The following HPSE2 variants were observed in gnomAD, a reference collection of about 807,000 sequenced individuals.
HPSE2 encodes inactive heparanase-2.
A neutral mutation model predicts 60.5 loss-of-function variants in HPSE2; 38 were observed. That is an observed-to-expected ratio of 0.63 (90% CI 0.48 to 0.82). HPSE2 has a LOEUF of 0.82. Among genes scored for constraint, HPSE2 ranks in the 40% least tolerant of loss-of-function variants. The pLI is 0.00. For synonymous variants in HPSE2, 295 were observed against 293.2 expected, an observed-to-expected ratio of 1.01 and a Z score of -0.06; for missense variants, 713 against 740.4, an observed-to-expected ratio of 0.96 and a Z score of 0.43.
chr10:99,296,014 C>T, the HPSE2 span, among the ~76,000 whole-genome samples: 32 of 152,306 alleles, frequency 2.1e-4, no homozygotes, highest in Non-Finnish European at 2.9e-5. Context: ...GGAGCAATTA[C>T]ACCCCAAATG....
chr10:99,007,528 T>C (rs934370535), intron 3 of HPSE2, among the ~76,000 whole-genome samples: 1 of 152,236 alleles, frequency 6.6e-6, no homozygotes, highest in Non-Finnish European at 1.5e-5. Context: ...GGAATTTTCA[T>C]GCATGAATAG....
chr10:98,853,838 T>C (rs1043619094), intron 3 of HPSE2, among the ~76,000 whole-genome samples: 1 of 152,164 alleles, frequency 6.6e-6, no homozygotes, highest in African/African-American at 2.4e-5. Flanking sequence ...ATCTGTTAAA[T>C]GGAACTAAGG....
chr10:99,067,034 C>T (rs1233168514), intron 3 of HPSE2, among the ~76,000 whole-genome samples: 1 of 152,200 alleles, frequency 6.6e-6, no homozygotes, highest in East Asian at 1.9e-4. Context: ...AACGAAGGAG[C>T]TATAGACCCT....
chr10:98,511,102 T>A (rs1374241464), intron 9 of HPSE2, among the ~76,000 whole-genome samples: 2 of 151,934 alleles, frequency 1.3e-5, no homozygotes, highest in East Asian at 1.9e-4. Context: ...TACATAAAAG[T>A]ATTTAATGAA....
intron 7 of HPSE2, among the ~76,000 whole-genome samples, chr10:98,628,137 A>G (rs1946266219): frequency 1.3e-5 from 2 of 152,172 alleles, no homozygotes; most frequent in Non-Finnish European, 2.9e-5. Context: ...GTACAAACCA[A>G]CAAATATTTT....
chr10:99,273,857 A>T, the HPSE2 span, among the ~76,000 whole-genome samples: 26 of 152,288 alleles, frequency 1.7e-4, no homozygotes, highest in Admixed American at 1.6e-3. Flanking sequence ...ACCATGACAG[A>T]GACAAAAAGA....
chr10:98,475,753 T>C (rs1227805580), intron 11 of HPSE2, among the ~76,000 whole-genome samples: 1 of 152,176 alleles, frequency 6.6e-6, no homozygotes, highest in African/African-American at 2.4e-5. Flanking sequence ...CAGAAGGGAA[T>C]TCCCCACTTC....
intron 3 of HPSE2, among the ~76,000 whole-genome samples, chr10:98,905,983 A>T (rs1953805196): frequency 6.6e-6 from 1 of 152,150 alleles, no homozygotes; most frequent in Non-Finnish European, 1.5e-5. Flanking sequence ...TTGCCAGCTG[A>T]CAACCCTCTC....
intron 3 of HPSE2, among the ~76,000 whole-genome samples, chr10:98,763,375 A>T (rs916109413): frequency 6.6e-6 from 1 of 152,064 alleles, no homozygotes; most frequent in African/African-American, 2.4e-5. Context: ...TAAACTAAAA[A>T]CCAAAACAAA....
At position 98,841,338 on chromosome 10, in the gene HPSE2, C is replaced by G. The variant is rs544636822; in HGVS notation, c.611-97282G>C. ...TTCCACATTCCTTCACTCCACCTCTCTGATAGTTGTTATTCAGAGGCCACT... is the reference window on the plus strand; with the variant it reads ...TTCCACATTCCTTCACTCCACCTCTGTGATAGTTGTTATTCAGAGGCCACT... On this transcript the variant is annotated intron_variant, in intron 3 of 11. Coordinates refer to ENST00000370552, the MANE Select transcript of HPSE2 (RefSeq NM_021828.5). 3.9e-5 allele frequency among the ~76,000 whole-genome samples: 6 copies of G among 152,296 alleles called. No homozygotes were observed. The South Asian group carries it at 1.0e-3, about 26-fold the overall frequency.
chr10:99,117,417 G>GAAAAAAAAAAAAAA (rs1157232317), intron 3 of HPSE2, among the ~76,000 whole-genome samples: 1 of 24,802 alleles, frequency 4.0e-5, no homozygotes, highest in East Asian at 1.7e-3. Context: ...TTGTTTTTTT[G>GAAAAAAAAAAAAAA]AAAAAAAAAA....
At chr10:98,634,551 A>T (rs1946447438) in intron 7 of HPSE2, among the ~76,000 whole-genome samples, 1 of 152,000 alleles carries the variant, frequency 6.6e-6, no homozygotes, top group Admixed American at 6.6e-5. Flanking sequence ...TTTTCTTCTT[A>T]TTTACTAAGA....
intron 9 of HPSE2, among the ~76,000 whole-genome samples, chr10:98,594,568 C>T (rs72831920): frequency 2.6e-5 from 4 of 152,108 alleles, no homozygotes; most frequent in East Asian, 3.9e-4. Context: ...CTTTGTGTGC[C>T]TAGCTTATTT....
chr10:98,510,424 A>G (rs1942350878), intron 9 of HPSE2, among the ~76,000 whole-genome samples: 1 of 152,160 alleles, frequency 6.6e-6, no homozygotes, highest in Non-Finnish European at 1.5e-5. Context: ...TTTTGCCAGG[A>G]TCTGCATGGG....
At chr10:99,197,312 C>T (rs544623497) in intron 2 of HPSE2, among the ~76,000 whole-genome samples, 2 of 151,910 alleles carry the variant, frequency 1.3e-5, no homozygotes, top group African/African-American at 4.8e-5. Context: ...TTGGCTAGCA[C>T]AACAGAGTGA....
intron 9 of HPSE2, among the ~76,000 whole-genome samples, chr10:98,571,463 G>T (rs1226700791): frequency 6.6e-6 from 1 of 152,004 alleles, no homozygotes; most frequent in Non-Finnish European, 1.5e-5. Context: ...GGCTTCAAAG[G>T]GGTAAAATAA....
At chr10:99,237,665 C>G (rs972969189), upstream of HPSE2, among the ~76,000 whole-genome samples, 5 of 152,180 alleles carry the variant, frequency 3.3e-5, no homozygotes, top group Admixed American at 3.3e-4. Context: ...TGGATGTTGG[C>G]TCCAGCCCTA....
At chr10:98,727,510 G>T (rs1949117064) in intron 4 of HPSE2, among the ~76,000 whole-genome samples, 1 of 152,066 alleles carries the variant, frequency 6.6e-6, no homozygotes. Context: ...AATTAGCTGG[G>T]CATGGTGGTA....
intron 3 of HPSE2, among the ~76,000 whole-genome samples, chr10:98,946,741 A>C (rs768685321): frequency 6.6e-5 from 10 of 152,270 alleles, no homozygotes; most frequent in Admixed American, 3.9e-4. Flanking sequence ...AAACAAATGT[A>C]AAGAGGCAGT....
Sources: gnomAD v4.1 joint callset for allele counts (sites outside exome capture counted in the v4.1 genomes callset) on GRCh38, gnomAD v4.1.1 for gene constraint, MANE v1.5 for transcripts, NCBI Gene and HGNC (gene_info 2026-07-23, HGNC 2026-07-21) for gene names.